The following PDCD6IP variants were observed in gnomAD, a reference collection of about 807,000 sequenced individuals.
PDCD6IP encodes the protein programmed cell death 6-interacting protein.
PDCD6IP carries 43 observed loss-of-function variants against 103.7 expected under a neutral mutation model. The ratio of observed to expected loss-of-function variants is 0.41; its 90% CI spans 0.32 to 0.53. PDCD6IP has a LOEUF of 0.53. Among genes scored for constraint, PDCD6IP ranks in the 20% least tolerant of loss-of-function variants. PDCD6IP has a pLI of 0.16. For synonymous variants in PDCD6IP, 354 were observed against 378.7 expected (o/e 0.93, Z 0.76); for missense variants, 871 against 1,036.7 (o/e 0.84, Z 2.20).
intron 12 of PDCD6IP, among the ~76,000 whole-genome samples, chr3:33,848,593 C>T (rs549055504): frequency 8.5e-5 from 13 of 152,102 alleles, no homozygotes; most frequent in South Asian, 8.3e-4. Context: ...TTAGTAGAGA[C>T]GGGGTTTCAC....
At chr3:33,845,198 T>G (rs191634719) in intron 11 of PDCD6IP, among the ~76,000 whole-genome samples, 103 of 152,272 alleles carry the variant, frequency 6.8e-4, no homozygotes, top group African/African-American at 2.4e-3. Context: ...CCAAATGTAT[T>G]TTAAGGTATA....
chr3:33,841,167 A>G (rs1390755968), intron 9 of PDCD6IP, among the ~76,000 whole-genome samples: 1 of 151,524 alleles, frequency 6.6e-6, no homozygotes, highest in Non-Finnish European at 1.5e-5. Flanking sequence ...AGCTGGGATT[A>G]TAGGTGCTCA....
chr3:33,813,619 G>C lies in PDCD6IP; in HGVS notation c.325G>C (p.Val109Leu). 1.9e-6 allele frequency: 3 copies of C among 1,576,746 alleles called. No homozygotes were observed. In the South Asian group the frequency reaches 3.3e-5, roughly 18 times the overall value. ...TAAAGGTTCACTTTTTGGAGGCTCT[G>C]TAAAACTGGGTATGTAATTTTTAAT... ...FDKGSLFGGSVKLALASLGYE... is the reference protein window; with the variant it reads ...FDKGSLFGGSLKLALASLGYE... The change falls in exon 3 of 18, where the codon GTA becomes CTA. Residue 109 changes from valine to leucine, a missense_variant. This residue lies in a region of PDCD6IP where 47 missense variants were observed against 83.7 expected (regional missense o/e 0.56). Transcript: ENST00000307296.
chr3:33,847,075 A>G (rs1697608775), intron 12 of PDCD6IP, among the ~76,000 whole-genome samples: 1 of 152,242 alleles, frequency 6.6e-6, no homozygotes, highest in Admixed American at 6.5e-5. Flanking sequence ...GTGAAGAACA[A>G]CGAACCTGAA....
chr3:33,799,050 G>A, intron 1 of PDCD6IP, 113 bp downstream of exon 1: 2 of 1,013,058 alleles, frequency 2.0e-6, no homozygotes, highest in Non-Finnish European at 2.8e-6. Flanking sequence ...GCCCCGTCCC[G>A]GCCTGACCAG....
At chr3:33,842,637 T>A (rs1467959171) in intron 10 of PDCD6IP, among the ~76,000 whole-genome samples, 1 of 152,142 alleles carries the variant, frequency 6.6e-6, no homozygotes, top group African/African-American at 2.4e-5. Context: ...TTTTTAAAAC[T>A]TTAAAAAATA....
In PDCD6IP at chr3:33,798,945, C is replaced by T; in HGVS notation, c.209+8C>T. ...GCTCGAGACGCTCCTGAGGTGGGCGCGGGGCTGGGAGTGGGTAGGTTGTCT... is the reference window on the plus strand; with the variant it reads ...GCTCGAGACGCTCCTGAGGTGGGCGTGGGGCTGGGAGTGGGTAGGTTGTCT... On this transcript the variant is annotated splice_region_variant and intron_variant, in intron 1 of 17. Coordinates refer to ENST00000307296, the MANE Select transcript of PDCD6IP (RefSeq NM_013374.6). 1 of 1,522,490 alleles carries T rather than the reference C, an allele frequency of 6.6e-7. No individual in the cohort carries two copies. The highest frequency in any genetic ancestry group is 2.0e-5 in the Admixed American group (1 of 49,744). 94.3% of individuals were successfully genotyped at this position (1,522,490 alleles called of 1,614,324 possible).
At position 33,812,255 on chromosome 3, in the gene PDCD6IP, C is replaced by T. The variant is rs9851801; in HGVS notation, c.264+129C>T. The T allele has an allele frequency of 0.27, 357,736 of 1,304,260 alleles. 49,661 individuals carry two copies. The highest frequency in any genetic ancestry group is 0.42 in the Admixed American group (10,872 of 26,124). The allele number at this position is 1,304,260 out of a possible 1,614,324, so 80.8% of individuals were successfully genotyped here. A position where few individuals can be genotyped will look rare whatever the true frequency, so the allele number is the denominator to read the frequency against. On this transcript the variant is annotated intron_variant, in intron 2 of 17. Coordinates refer to ENST00000307296, the MANE Select transcript of PDCD6IP (RefSeq NM_013374.6). ...TAGGAGCTTTTAGATCTGTCTAATG[C>T]GAATATATGTGCTTCTGAAGAAAGA...
At position 33,816,948 on chromosome 3, in the gene PDCD6IP, C is replaced by T. The variant is rs116852240; in HGVS notation, c.334+3320C>T. On this transcript the variant is annotated intron_variant, in intron 3 of 17. Transcript: ENST00000307296. Reference sequence around the variant, plus strand: ...GGGAAGCAAAAAATTAGATCATAAACAGGAGGTGGTTCATCAAGGCATTTC... The same window carrying T: ...GGGAAGCAAAAAATTAGATCATAAATAGGAGGTGGTTCATCAAGGCATTTC... Among the ~76,000 whole-genome samples the T allele has an allele frequency of 4.9e-4, 75 of 152,212 alleles. 1 individual carries two copies. The highest frequency in any genetic ancestry group is 6.8e-3 in the Middle Eastern group (2 of 294).
chr3:33,859,348 A>G (rs540883944), intron 15 of PDCD6IP, among the ~76,000 whole-genome samples: 192 of 152,294 alleles, frequency 1.3e-3, no homozygotes, highest in South Asian at 3.5e-3. Context: ...TCCAGAAGCC[A>G]TTAAAAAAAA....
intron 6 of PDCD6IP, chr3:33,827,025 A>C: frequency 1.0e-6 from 1 of 994,020 alleles, no homozygotes; most frequent in African/African-American, 1.7e-5. Flanking sequence ...AAAACTTAAC[A>C]AATTCATCTG....
At position 33,836,200 on chromosome 3, in the gene PDCD6IP, C is replaced by T; in HGVS notation, c.991C>T (p.Pro331Ser). The change falls in exon 8 of 18, where the codon CCT becomes TCT. Residue 331 changes from proline (P) to serine (S), a missense_variant. This residue lies in a region of PDCD6IP where 242 missense variants were observed against 250.7 expected (regional missense o/e 0.97). Coordinates refer to ENST00000307296, the MANE Select transcript of PDCD6IP (RefSeq NM_013374.6). ...AGTTCCAGACCTTAAAGATCTAGAT[C>T]CTATTGGCAAAGCCACACTTGTGAA... ...DRVPDLKDLD[P>S]IGKATLVKST... 6.2e-7 allele frequency: 1 copy of T among 1,613,458 alleles called. No homozygotes were observed. Among genetic ancestry groups the T allele is most frequent in the South Asian group, 1.1e-5 (1 of 91,060 alleles).
At chr3:33,801,155 G>A (rs2125539145) in intron 1 of PDCD6IP, among the ~76,000 whole-genome samples, 1 of 152,282 alleles carries the variant, frequency 6.6e-6, no homozygotes, top group South Asian at 2.1e-4. Context: ...TATAATGGAG[G>A]TAGGTACAAA....
At position 33,821,902 on chromosome 3, in the gene PDCD6IP, G is replaced by C. The variant is rs1290225399; in HGVS notation, c.335-53G>C. The C allele has an allele frequency of 5.2e-6, 8 of 1,537,906 alleles. No individual in the cohort carries two copies. The South Asian group carries it at 9.4e-5, about 18-fold the overall frequency. ...CATAGTATTTCTCTTTGAAACATTT[G>C]TTTTCTTTAGAAAAAATAATCTGAT... On this transcript the variant is annotated intron_variant, in intron 3 of 17. Transcript: ENST00000307296.
In PDCD6IP at chr3:33,825,324, T is replaced by C; in HGVS notation, c.600T>C (p.Phe200=). 1 of 1,601,338 alleles carries C rather than the reference T, an allele frequency of 6.2e-7. No homozygotes were observed. The highest frequency in any genetic ancestry group is 8.5e-7 in the Non-Finnish European group (1 of 1,177,226). The change falls in exon 5 of 18, where the codon TTT becomes TTC. Residue 200 remains phenylalanine (F), a synonymous_variant. Coordinates refer to ENST00000307296, the MANE Select transcript of PDCD6IP (RefSeq NM_013374.6). ...TGGCACAGGCTCAAGAAGTATTTTT[T>C]TTAAAAGCCACAAGAGGTAACTCCA... ...IMLAQAQEVF[F]LKATRDKMKD...
intron 7 of PDCD6IP, among the ~76,000 whole-genome samples, chr3:33,834,609 T>C (rs1437350239): frequency 6.6e-6 from 1 of 152,208 alleles, no homozygotes; most frequent in African/African-American, 2.4e-5. Context: ...TTTTAAAAAA[T>C]CAAGAATATT....
At chr3:33,856,383 A>G (rs1697829180) in intron 15 of PDCD6IP, among the ~76,000 whole-genome samples, 1 of 152,340 alleles carries the variant, frequency 6.6e-6, no homozygotes, top group Admixed American at 6.5e-5. Context: ...CATGGGAAAG[A>G]GCACAAAGGG....
intron 7 of PDCD6IP, among the ~76,000 whole-genome samples, chr3:33,829,690 T>G (rs928397356): frequency 6.6e-6 from 1 of 152,166 alleles, no homozygotes; most frequent in East Asian, 1.9e-4. Flanking sequence ...AGATGACTTA[T>G]GGCATTTGAG....
chr3:33,798,636 T>TCCGCCAGTCCGC lies in PDCD6IP; in HGVS notation c.-91_-80dup, dbSNP rs1197820950. ...GAGCGCAAGTCTGTCAGCCAGTCAG[T>TCCGCCAGTCCGC]CCGCCAGTCCGCCAGCCCAGTACCT... On this transcript the variant is annotated 5_prime_UTR_variant, in exon 1 of 18. Coordinates refer to ENST00000307296, the MANE Select transcript of PDCD6IP (RefSeq NM_013374.6). The TCCGCCAGTCCGC allele has an allele frequency of 3.6e-5, 44 of 1,211,698 alleles. No individual in the cohort carries two copies. The highest frequency in any genetic ancestry group is 4.8e-5 in the Non-Finnish European group (43 of 890,762). The allele number at this position is 1,211,698 out of a possible 1,614,324, so 75.1% of individuals were successfully genotyped here.
Sources: gnomAD v4.1 joint callset for allele counts (sites outside exome capture counted in the v4.1 genomes callset) on GRCh38, gnomAD v4.1.1 for gene constraint, gnomAD v4.1.1 regional missense constraint, MANE v1.5 for transcripts, NCBI Gene and HGNC (gene_info 2026-07-23, HGNC 2026-07-21) for gene names.